Variants in ATRNL1 observed in about 807,000 individuals in gnomAD.
ATRNL1 encodes the protein attractin-like protein 1.
ATRNL1 carries 95 observed loss-of-function variants against 182.7 expected under a neutral mutation model. The ratio of observed to expected loss-of-function variants is 0.52; its 90% CI spans 0.44 to 0.62. The LOEUF is 0.62. ATRNL1 is among the 20% of genes least tolerant of loss of function. ATRNL1 has a pLI of 0.00. For missense variants in ATRNL1, 1,471 were observed against 1,679.5 expected, an observed-to-expected ratio of 0.88 and a Z score of 2.17; for synonymous variants, 576 against 568.3, an observed-to-expected ratio of 1.01 and a Z score of -0.19.
intron 8 of ATRNL1, among the ~76,000 whole-genome samples, chr10:115,195,929 G>T (rs1267632491): frequency 2.0e-5 from 3 of 151,954 alleles, no homozygotes; most frequent in African/African-American, 7.3e-5. Flanking sequence ...TTATAATTTT[G>T]GCTTTTGTCC....
chr10:115,420,341 G>A (rs1361911573), intron 20 of ATRNL1, among the ~76,000 whole-genome samples: 1 of 151,938 alleles, frequency 6.6e-6, no homozygotes, highest in Non-Finnish European at 1.5e-5. Flanking sequence ...ATGGCGGCCT[G>A]GCCTCAAATT....
chr10:115,371,114 G>A (rs189884223), intron 19 of ATRNL1, among the ~76,000 whole-genome samples: 6 of 152,316 alleles, frequency 3.9e-5, no homozygotes, highest in East Asian at 1.9e-4. Context: ...TGAGGTTTGG[G>A]AACCTCTTCC....
chr10:115,658,235 A>G (rs1860459234), intron 26 of ATRNL1, among the ~76,000 whole-genome samples: 1 of 151,042 alleles, frequency 6.6e-6, no homozygotes. Context: ...AGCTAGGACT[A>G]CAGGCACCTG....
At chr10:115,398,955 G>A (rs1403164476) in intron 20 of ATRNL1, among the ~76,000 whole-genome samples, 1 of 152,042 alleles carries the variant, frequency 6.6e-6, no homozygotes, top group Non-Finnish European at 1.5e-5. Context: ...TGCATCTATT[G>A]AGATAATCAT....
At chr10:115,636,351 C>T (rs1227137145) in intron 26 of ATRNL1, among the ~76,000 whole-genome samples, 1 of 152,144 alleles carries the variant, frequency 6.6e-6, no homozygotes, top group Non-Finnish European at 1.5e-5. Context: ...TGCAGCCAGC[C>T]CTGGAAAATC....
chr10:115,358,636 T>G lies in ATRNL1; in HGVS notation c.3175+24217T>G, dbSNP rs191134560. Reference sequence around the variant, plus strand: ...TAGTATACCTATTTTAGTTATTATTTATTATACCTATTTTACAAATGAGTA... The same window carrying G: ...TAGTATACCTATTTTAGTTATTATTGATTATACCTATTTTACAAATGAGTA... On this transcript the variant is annotated intron_variant, in intron 19 of 28. Transcript: ENST00000355044. Among the ~76,000 whole-genome samples the G allele has an allele frequency of 6.6e-5, 10 of 151,806 alleles. No homozygotes were observed. The South Asian group carries it at 1.0e-3, about 16-fold the overall frequency.
chr10:115,455,080 G>A (rs545777455), intron 21 of ATRNL1, among the ~76,000 whole-genome samples: 11 of 152,094 alleles, frequency 7.2e-5, no homozygotes, highest in African/African-American at 2.7e-4. Flanking sequence ...ATACCTAGTT[G>A]TTCAGTATTT....
chr10:115,246,456 C>G (rs571615539), intron 10 of ATRNL1, among the ~76,000 whole-genome samples: 1 of 152,090 alleles, frequency 6.6e-6, no homozygotes, highest in Non-Finnish European at 1.5e-5. Context: ...TTCACTCTAC[C>G]TGTCCCCCTC....
chr10:115,258,294 G>T (rs1348923057), intron 10 of ATRNL1, among the ~76,000 whole-genome samples: 3 of 151,988 alleles, frequency 2.0e-5, no homozygotes, highest in Admixed American at 6.5e-5. Context: ...CATATTTCTT[G>T]GAGGCTTTGT....
chr10:115,122,964 T>C (rs1242776884), intron 3 of ATRNL1, among the ~76,000 whole-genome samples: 1 of 152,182 alleles, frequency 6.6e-6, no homozygotes, highest in Non-Finnish European at 1.5e-5. Flanking sequence ...CACTTTGCTA[T>C]CTTTACTCTA....
intron 26 of ATRNL1, among the ~76,000 whole-genome samples, chr10:115,646,793 T>TA (rs1242956544): frequency 2.6e-5 from 4 of 152,076 alleles, no homozygotes; most frequent in Non-Finnish European, 5.9e-5. Flanking sequence ...AAATAGCATG[T>TA]ATGAATTTTT....
At chr10:115,573,451 G>A (rs1424456592) in intron 26 of ATRNL1, among the ~76,000 whole-genome samples, 3 of 151,930 alleles carry the variant, frequency 2.0e-5, no homozygotes, top group African/African-American at 7.3e-5. Flanking sequence ...GGCAGGATGG[G>A]GGCATGGCTG....
At chr10:115,415,431 C>T (rs1845342225) in intron 20 of ATRNL1, among the ~76,000 whole-genome samples, 1 of 150,986 alleles carries the variant, frequency 6.6e-6, no homozygotes, top group African/African-American at 2.4e-5. Context: ...GATTATAGCT[C>T]TTTTTCAGTG....
chr10:115,326,871 G>A (rs1440850508), intron 18 of ATRNL1, among the ~76,000 whole-genome samples: 1 of 152,140 alleles, frequency 6.6e-6, no homozygotes, highest in Non-Finnish European at 1.5e-5. Context: ...TGGGAAAACT[G>A]GCTAGCCATA....
chr10:115,856,454 A>G (rs2907581), intron 28 of ATRNL1, among the ~76,000 whole-genome samples: 18,509 of 134,526 alleles, frequency 0.14, 1,846 homozygotes, highest in Non-Finnish European at 0.18. Context: ...AAAAAAAGCC[A>G]TACATACTGT....
intron 8 of ATRNL1, among the ~76,000 whole-genome samples, chr10:115,176,512 T>TTGAGACTAATTGAGAATTA (rs1847514300): frequency 6.6e-6 from 1 of 152,102 alleles, no homozygotes; most frequent in Non-Finnish European, 1.5e-5. Context: ...TTAGTCGATC[T>TTGAGACTAATTGAGAATTA]GTTGGATTTT....
chr10:115,177,458 T>C (rs1847558415), intron 8 of ATRNL1, among the ~76,000 whole-genome samples: 1 of 152,144 alleles, frequency 6.6e-6, no homozygotes. Flanking sequence ...TTCAGTGAAA[T>C]AATTCTATTT....
intron 10 of ATRNL1, among the ~76,000 whole-genome samples, chr10:115,260,161 G>A (rs1554908377): frequency 6.6e-6 from 1 of 152,144 alleles, no homozygotes; most frequent in East Asian, 1.9e-4. Context: ...TTACTGTACT[G>A]TAATGTTTCT....
chr10:115,703,426 A>G (rs1555052206), intron 26 of ATRNL1, among the ~76,000 whole-genome samples: 1 of 152,000 alleles, frequency 6.6e-6, no homozygotes, highest in Non-Finnish European at 1.5e-5. Context: ...TAATTAAACT[A>G]AAGAGCTTCT....
Sources: allele counts gnomAD v4.1 joint callset (sites outside exome capture counted in the v4.1 genomes callset), GRCh38; gene constraint gnomAD v4.1.1; transcripts MANE v1.5; gene names NCBI Gene and HGNC (gene_info 2026-07-23, HGNC 2026-07-21).